TMEM63C: variants seen among roughly 807,000 people sequenced by gnomAD.
The protein encoded by TMEM63C is transmembrane protein 63C, also known as osmosensitive cation channel TMEM63C.
Under a neutral mutation model 99.2 loss-of-function variants are expected in TMEM63C, and 32 were observed. The observed-to-expected ratio is 0.32, with a 90% confidence interval of 0.24 to 0.43. The LOEUF is 0.43. TMEM63C is among the 20% of genes least tolerant of loss of function. The probability of loss-of-function intolerance (pLI) is 1.00; values close to 1 mark genes in which losing one functional copy is unlikely to be tolerated. For synonymous variants in TMEM63C, 376 were observed against 397.9 expected (o/e 0.94, Z 0.66); for missense variants, 826 against 1,053.0 (o/e 0.78, Z 2.98).
chr14:77,214,252 G>A (rs1162983333), intron 2 of TMEM63C, among the ~76,000 whole-genome samples: 1 of 152,148 alleles, frequency 6.6e-6, no homozygotes, highest in Non-Finnish European at 1.5e-5. Context: ...GGGTACTAAT[G>A]GCTGTTGCCA....
Position 77,244,438 on chromosome 14 carries a change from C to T in TMEM63C, c.1431C>T (p.Leu477=), listed in dbSNP as rs757088743. 90 of 1,613,688 alleles carry T rather than the reference C, an allele frequency of 5.6e-5. No homozygotes were observed. The highest frequency in any genetic ancestry group is 6.7e-5 in the African/African-American group (5 of 74,912). ...TGATTGTCTACTTCTCCGCCTTCCT[C>T]GAGGCCCACTGGACCAGGTGACCTG... ...LPLIVYFSAF[L]EAHWTRSSQN... Residue 477 remains leucine (L), a synonymous_variant, in exon 16 of 24, where the codon CTC becomes CTT. Coordinates refer to ENST00000298351, the MANE Select transcript of TMEM63C (RefSeq NM_020431.4).
chr14:77,207,535 G>A (rs569507488), intron 1 of TMEM63C, among the ~76,000 whole-genome samples: 9 of 152,304 alleles, frequency 5.9e-5, no homozygotes, highest in South Asian at 4.1e-4. Flanking sequence ...TTGTGCCTTC[G>A]GAGGCTGCGT....
intron 9 of TMEM63C, among the ~76,000 whole-genome samples, chr14:77,237,903 C>T (rs995021947): frequency 6.6e-6 from 1 of 152,302 alleles, no homozygotes; most frequent in South Asian, 2.1e-4. Context: ...CCTTCCAGGC[C>T]GTCCATTCAA....
At chr14:77,220,867 C>A (rs117549925) in intron 5 of TMEM63C, among the ~76,000 whole-genome samples, 1 of 69,988 alleles carries the variant, frequency 1.4e-5, no homozygotes, top group African/African-American at 3.5e-5. Flanking sequence ...CACTCACGCC[C>A]CGCCTCCCAC....
At chr14:77,240,957 T>C (rs1474947797) in intron 13 of TMEM63C, among the ~76,000 whole-genome samples, 1 of 121,766 alleles carries the variant, frequency 8.2e-6, no homozygotes, top group Non-Finnish European at 1.7e-5. Context: ...CTTTTTTTTT[T>C]TTTTTCTTTT....
At chr14:77,212,671 C>T (rs1044060810) in intron 1 of TMEM63C, among the ~76,000 whole-genome samples, 2 of 152,202 alleles carry the variant, frequency 1.3e-5, no homozygotes, top group African/African-American at 2.4e-5. Context: ...ATGGCAACAG[C>T]CTCCCTCATT....
chr14:77,244,625 C>A (rs943189971), intron 16 of TMEM63C, among the ~76,000 whole-genome samples, 170 bp downstream of exon 16: 1 of 152,222 alleles, frequency 6.6e-6, no homozygotes, highest in African/African-American at 2.4e-5. Context: ...GGTGTTCTGT[C>A]TTTGGAAGGA....
chr14:77,188,007 C>T (rs1355014665), intron 1 of TMEM63C, among the ~76,000 whole-genome samples: 1 of 152,168 alleles, frequency 6.6e-6, no homozygotes, highest in Non-Finnish European at 1.5e-5. Flanking sequence ...GGCTTTTCTG[C>T]CCCATCTCAC....
Position 77,254,557 on chromosome 14 carries a change from T to C in TMEM63C, c.2220+1181T>C, listed in dbSNP as rs187780759. On this transcript the variant is annotated intron_variant, in intron 23 of 23. Coordinates refer to ENST00000298351, the MANE Select transcript of TMEM63C (RefSeq NM_020431.4). ...GCAATAAGTTTTTGAAATCTTCTTA[T>C]GAGCCTGGCGCTTTGCTGTTTTCGC... Among the ~76,000 whole-genome samples, 243 of 152,356 alleles carry C rather than the reference T, an allele frequency of 1.6e-3. 1 individual carries two copies. The highest frequency in any genetic ancestry group is 2.6e-3 in the Non-Finnish European group (175 of 68,038).
At chr14:77,205,985 G>A (rs750932) in intron 1 of TMEM63C, among the ~76,000 whole-genome samples, 8,954 of 152,226 alleles carry the variant, frequency 0.059, 353 homozygotes, top group Admixed American at 0.094. Flanking sequence ...CAGGACTGTT[G>A]GGGGCCAGGT....
intron 1 of TMEM63C, among the ~76,000 whole-genome samples, chr14:77,204,464 A>C (rs1888361730): frequency 6.6e-6 from 1 of 151,950 alleles, no homozygotes. Flanking sequence ...CAGCCAAAAC[A>C]CTCTCATCAC....
intron 15 of TMEM63C, 103 bp downstream of exon 15, chr14:77,243,159 C>A: frequency 2.9e-6 from 4 of 1,361,730 alleles, no homozygotes; most frequent in Non-Finnish European, 4.0e-6. Context: ...GGCTGTGGAG[C>A]CCATACAGTG....
chr14:77,249,512 G>T, intron 21 of TMEM63C, 54 bp downstream of exon 21: 5 of 1,589,556 alleles, frequency 3.1e-6, no homozygotes, highest in Non-Finnish European at 4.3e-6. Context: ...ACTGTTCTGT[G>T]AGTCCCTTAA....
At chr14:77,233,903 A>G (rs1888990233) in intron 8 of TMEM63C, among the ~76,000 whole-genome samples, 1 of 152,202 alleles carries the variant, frequency 6.6e-6, no homozygotes, top group South Asian at 2.1e-4. Context: ...AGTCCCCCTC[A>G]GAGTCCCACA....
chr14:77,202,835 A>ACG (rs1566618311), intron 1 of TMEM63C, among the ~76,000 whole-genome samples: 3 of 56,934 alleles, frequency 5.3e-5, no homozygotes, highest in African/African-American at 4.6e-4. Flanking sequence ...GCACACACAC[A>ACG]CACACACACA....
chr14:77,187,496 G>T (rs1453712800), intron 1 of TMEM63C, among the ~76,000 whole-genome samples: 2 of 152,212 alleles, frequency 1.3e-5, no homozygotes, highest in African/African-American at 4.8e-5. Context: ...GCAAGGCCAG[G>T]CCCAGGCTCC....
chr14:77,219,958 GA>G, intron 4 of TMEM63C, 47 bp from the exon 5 acceptor site: 1 of 1,531,342 alleles, frequency 6.5e-7, no homozygotes. Context: ...AGGCAGCTGA[GA>G]ACTTTTCTCT....
chr14:77,233,152 A>T (rs1443453944), intron 7 of TMEM63C, among the ~76,000 whole-genome samples: 1 of 152,174 alleles, frequency 6.6e-6, no homozygotes, highest in Non-Finnish European at 1.5e-5. Context: ...TCGTGGCTGG[A>T]TGGCTGGTGC....
At chr14:77,217,641 C>G (rs998711979) in intron 2 of TMEM63C, among the ~76,000 whole-genome samples, 1 of 152,198 alleles carries the variant, frequency 6.6e-6, no homozygotes, top group African/African-American at 2.4e-5. Flanking sequence ...CAAGTAGCTA[C>G]CGGACACCTC....
Sources: allele counts gnomAD v4.1 joint callset (sites outside exome capture counted in the v4.1 genomes callset), GRCh38; gene constraint gnomAD v4.1.1; transcripts MANE v1.5; gene names NCBI Gene and HGNC (gene_info 2026-07-23, HGNC 2026-07-21).